The following ARHGAP10 variants were observed in gnomAD, a reference collection of about 807,000 sequenced individuals.
The protein encoded by ARHGAP10 is rho GTPase-activating protein 10.
A neutral mutation model predicts 108.6 loss-of-function variants in ARHGAP10; 87 were observed. The ratio of observed to expected loss-of-function variants is 0.80; its 90% CI spans 0.67 to 0.96. The LOEUF (loss-of-function observed/expected upper bound fraction) is 0.96, where lower values mean the gene tolerates loss of function less well. Ranked by LOEUF, ARHGAP10 falls within the 40% of genes least tolerant of loss-of-function variation. The pLI is 0.00. For missense variants in ARHGAP10, 939 were observed against 954.5 expected, an observed-to-expected ratio of 0.98 and a Z score of 0.21; for synonymous variants, 347 against 341.1, an observed-to-expected ratio of 1.02 and a Z score of -0.19.
chr4:147,900,691 G>A (rs777835971), intron 10 of ARHGAP10, among the ~76,000 whole-genome samples: 3 of 152,096 alleles, frequency 2.0e-5, no homozygotes, highest in African/African-American at 4.8e-5. Context: ...ACCCCCAGTC[G>A]GAACTTTCTC....
chr4:147,952,005 A>G (rs1471543036), intron 15 of ARHGAP10, among the ~76,000 whole-genome samples: 1 of 152,182 alleles, frequency 6.6e-6, no homozygotes, highest in African/African-American at 2.4e-5. Flanking sequence ...AATTTTATAT[A>G]AATAGAATTA....
intron 18 of ARHGAP10, among the ~76,000 whole-genome samples, chr4:148,010,462 C>G (rs1741127396): frequency 6.6e-6 from 1 of 152,010 alleles, no homozygotes; most frequent in South Asian, 2.1e-4. Flanking sequence ...CTTTCATACC[C>G]TTTTTTTGGT....
At position 147,867,142 on chromosome 4, in the gene ARHGAP10, A is replaced by C. The variant is rs186923483; in HGVS notation, c.702+326A>C. Among the ~76,000 whole-genome samples, 6 of 152,338 alleles carry C rather than the reference A, an allele frequency of 3.9e-5. No homozygotes were observed. In the East Asian group the frequency reaches 1.2e-3, roughly 29 times the overall value. ...CTTTAAGGCATTGAATTTATAATGCACTACTTAACTGGGCATCTTGATTTT... is the reference window on the plus strand; with the variant it reads ...CTTTAAGGCATTGAATTTATAATGCCCTACTTAACTGGGCATCTTGATTTT... On this transcript the variant is annotated intron_variant, in intron 7 of 22. Transcript: ENST00000336498.
chr4:147,763,954 CA>C (rs1157351415), intron 1 of ARHGAP10, among the ~76,000 whole-genome samples: 6 of 151,894 alleles, frequency 4.0e-5, no homozygotes, highest in Non-Finnish European at 7.4e-5. Flanking sequence ...AGGGTTTCAC[CA>C]TGCTGGCCAG....
At chr4:147,740,824 A>G (rs570711904) in intron 1 of ARHGAP10, among the ~76,000 whole-genome samples, 2 of 152,304 alleles carry the variant, frequency 1.3e-5, no homozygotes, top group African/African-American at 2.4e-5. Context: ...CTCACAATAA[A>G]CATTCATTTA....
At chr4:147,993,342 C>G (rs753921222) in intron 18 of ARHGAP10, among the ~76,000 whole-genome samples, 1 of 152,140 alleles carries the variant, frequency 6.6e-6, no homozygotes, top group Non-Finnish European at 1.5e-5. Context: ...GTAATTGATT[C>G]GGCTAGGTGA....
chr4:147,782,933 A>AT (rs1491319798), intron 1 of ARHGAP10, among the ~76,000 whole-genome samples: 1 of 141,350 alleles, frequency 7.1e-6, no homozygotes, highest in Non-Finnish European at 1.5e-5. Context: ...TATAATATAT[A>AT]AAATTATATA....
intron 3 of ARHGAP10, among the ~76,000 whole-genome samples, chr4:147,830,470 G>A (rs932610452): frequency 1.3e-5 from 2 of 148,420 alleles, no homozygotes; most frequent in African/African-American, 5.0e-5. Flanking sequence ...AAGTAATTGC[G>A]GTTTTTGCCA....
intron 1 of ARHGAP10, among the ~76,000 whole-genome samples, chr4:147,795,255 G>A: frequency 6.6e-6 from 1 of 152,160 alleles, no homozygotes; most frequent in East Asian, 1.9e-4. Flanking sequence ...GCCCATTTGA[G>A]TTTTGATATG....
intron 10 of ARHGAP10, among the ~76,000 whole-genome samples, chr4:147,900,159 A>G (rs886523313): frequency 2.5e-4 from 38 of 152,216 alleles, no homozygotes; most frequent in African/African-American, 4.8e-4. Flanking sequence ...AAAGAGACTT[A>G]ATAGATACAG....
chr4:147,779,485 A>C (rs1730441189), intron 1 of ARHGAP10, among the ~76,000 whole-genome samples: 1 of 152,154 alleles, frequency 6.6e-6, no homozygotes, highest in Admixed American at 6.6e-5. Context: ...GGGGGAAAGC[A>C]AGCTGTAGCA....
intron 3 of ARHGAP10, among the ~76,000 whole-genome samples, chr4:147,840,326 TG>T (rs1733360879): frequency 6.6e-6 from 1 of 152,146 alleles, no homozygotes; most frequent in Admixed American, 6.5e-5. Flanking sequence ...TCTTCTCTCA[TG>T]CAGTACCCAT....
At chr4:147,866,452 A>T in intron 6 of ARHGAP10, 1 of 343,702 alleles carries the variant, frequency 2.9e-6, no homozygotes, top group Non-Finnish European at 5.2e-6. Context: ...TGACTTAATA[A>T]TTCAATTTTT....
intron 18 of ARHGAP10, among the ~76,000 whole-genome samples, chr4:148,001,625 TTCACATCCCTTGTAAG>T (rs1233597901): frequency 1.6e-5 from 2 of 124,688 alleles, no homozygotes; most frequent in African/African-American, 6.2e-5. Flanking sequence ...GAAGAGGTCC[TTCACATCCCTTGTAAG>T]TTGGATTCTA....
intron 1 of ARHGAP10, among the ~76,000 whole-genome samples, chr4:147,818,418 T>C (rs899464113): frequency 6.6e-6 from 1 of 151,938 alleles, no homozygotes; most frequent in Non-Finnish European, 1.5e-5. Context: ...ATAAAAAAAT[T>C]AGCTGGGGGT....
At chr4:148,055,149 TG>T (rs1448621645) in intron 20 of ARHGAP10, among the ~76,000 whole-genome samples, 2 of 152,248 alleles carry the variant, frequency 1.3e-5, no homozygotes, top group African/African-American at 4.8e-5. Context: ...GATGTAATTC[TG>T]CGCCTGTTCT....
At chr4:147,959,159 C>T (rs548476913) in intron 16 of ARHGAP10, among the ~76,000 whole-genome samples, 28 of 151,202 alleles carry the variant, frequency 1.9e-4, no homozygotes, top group Non-Finnish European at 3.4e-4. Flanking sequence ...GAAATGATTG[C>T]GAATAGAAAG....
chr4:147,983,171 G>A (rs1739894465), intron 18 of ARHGAP10, among the ~76,000 whole-genome samples: 1 of 145,954 alleles, frequency 6.9e-6, no homozygotes. Context: ...CATGAGCCAT[G>A]GTGCCTGGCT....
chr4:147,752,354 A>G (rs1233027846), intron 1 of ARHGAP10, among the ~76,000 whole-genome samples: 1 of 152,206 alleles, frequency 6.6e-6, no homozygotes, highest in Non-Finnish European at 1.5e-5. Flanking sequence ...TTAAGCTATT[A>G]AAAGTTATAG....
Sources: allele counts gnomAD v4.1 joint callset (sites outside exome capture counted in the v4.1 genomes callset), GRCh38; gene constraint gnomAD v4.1.1; transcripts MANE v1.5; gene names NCBI Gene and HGNC (gene_info 2026-07-23, HGNC 2026-07-21).